The following SMG6 variants were observed in gnomAD, a reference collection of about 807,000 sequenced individuals.
The protein encoded by SMG6 is telomerase-binding protein EST1A.
SMG6 carries 66 observed loss-of-function variants against 142.2 expected under a neutral mutation model. The observed-to-expected ratio is 0.46, with a 90% confidence interval of 0.38 to 0.57. SMG6 has a LOEUF of 0.57. SMG6 is among the 20% of genes least tolerant of loss of function. The probability of loss-of-function intolerance (pLI) is 0.00; values close to 1 mark genes in which losing one functional copy is unlikely to be tolerated. For synonymous variants in SMG6, 779 were observed against 702.4 expected, an observed-to-expected ratio of 1.11 and a Z score of -1.72; for missense variants, 1,793 against 1,832.0, an observed-to-expected ratio of 0.98 and a Z score of 0.39.
intron 13 of SMG6, among the ~76,000 whole-genome samples, chr17:2,104,984 T>A (rs9900967): frequency 0.68 from 102,751 of 151,760 alleles, 36,027 homozygotes; most frequent in African/African-American, 0.86. Flanking sequence ...TGGTGTGATC[T>A]TGGCTCACTG....
rs1054244987 is a variant in SMG6, at chr17:2,218,276, G to A, written c.2869+18216C>T. ...AATAAGATAACCAAATAGGCCAGGC[G>A]CGGTGGCTCACACCTGTAATCCCAG... is the stretch of plus-strand genomic sequence containing the variant. On this transcript the variant is annotated intron_variant, in intron 10 of 18. Coordinates refer to ENST00000263073, the MANE Select transcript of SMG6 (RefSeq NM_017575.5). 9.0e-4 allele frequency among the ~76,000 whole-genome samples: 137 copies of A among 151,980 alleles called. 1 individual carries two copies. Among genetic ancestry groups the A allele is most frequent in the African/African-American group, 3.2e-3 (132 of 41,384 alleles).
At position 2,255,884 on chromosome 17, in the gene SMG6, C is replaced by T. The variant is rs187062260; in HGVS notation, c.2662-11165G>A. The T allele has an allele frequency of 2.8e-4, 65 of 233,746 alleles. 1 individual carries two copies. In the East Asian group the frequency reaches 8.6e-3, roughly 31 times the overall value. The allele number at this position is 233,746 out of a possible 1,614,324, so 14.5% of individuals were successfully genotyped here. A position where few individuals can be genotyped will look rare whatever the true frequency, so the allele number is the denominator to read the frequency against. Reference sequence around the variant, plus strand: ...GGATGCTGTTGATCTGTGACCTTACCCCCAACCATGTGCTCTCTGAAACAT... The same window carrying T: ...GGATGCTGTTGATCTGTGACCTTACTCCCAACCATGTGCTCTCTGAAACAT... On this transcript the variant is annotated intron_variant, in intron 8 of 18. Transcript: ENST00000263073.
At chr17:2,185,716 T>G (rs1265994565) in intron 12 of SMG6, among the ~76,000 whole-genome samples, 9 of 140,858 alleles carry the variant, frequency 6.4e-5, no homozygotes, top group Middle Eastern at 3.8e-3. Context: ...GGCAGAGGCA[T>G]GGTGAGAAGA....
chr17:2,277,161 ATTTATTTTTTATT>A (rs1307181121), intron 8 of SMG6, among the ~76,000 whole-genome samples: 2 of 65,136 alleles, frequency 3.1e-5, no homozygotes, highest in African/African-American at 5.9e-5. Context: ...TTATTTATTT[ATTTATTTTTTATT>A]TTTTTTTTTT....
chr17:2,287,693 T>C (rs1176698453), intron 6 of SMG6, among the ~76,000 whole-genome samples: 3 of 152,174 alleles, frequency 2.0e-5, no homozygotes, highest in African/African-American at 4.8e-5. Context: ...GTGGTATATA[T>C]ACACAATGAA....
Position 2,299,390 on chromosome 17 carries a change from A to G in SMG6, c.1363T>C (p.Leu455=), listed in dbSNP as rs2075218716. 3.1e-6 allele frequency: 5 copies of G among 1,613,958 alleles called. No individual in the cohort carries two copies. The highest frequency in any genetic ancestry group is 3.4e-6 in the Non-Finnish European group (4 of 1,180,028). ...TGATCAGGATTGTTTGGGTCCCACA[A>G]TCGGCGTGTGGTGCCTCCACGGCCC... The part of the protein sequence containing the change: ...SWGRGGTTRR[L]WDPNNPDQKP... The change falls in exon 2 of 19, where the codon TTG becomes CTG. Residue 455 remains leucine (L), a synonymous_variant. Transcript: ENST00000263073. The surrounding 1 kb of genome is among the most constrained non-coding windows in gnomAD (Gnocchi z 4.3).
intron 11 of SMG6, among the ~76,000 whole-genome samples, chr17:2,187,484 G>A (rs554758692): frequency 2.0e-5 from 3 of 152,236 alleles, no homozygotes; most frequent in Non-Finnish European, 2.9e-5. Context: ...GTTGTTAAGA[G>A]AATATCCTTA....
At chr17:2,303,371 A>G in intron 1 of SMG6, 1 of 1,225,494 alleles carries the variant, frequency 8.2e-7, no homozygotes, top group Non-Finnish European at 1.0e-6. Flanking sequence ...CAAAAGGAAC[A>G]GTCACCTTCG....
intron 10 of SMG6, chr17:2,200,112 G>T (rs1418498596): frequency 6.6e-6 from 1 of 151,632 alleles, no homozygotes; most frequent in African/African-American, 2.4e-5. Context: ...ATTAGAGATG[G>T]GTTTCGCTAT....
chr17:2,174,839 G>A (rs2071609763), intron 12 of SMG6, among the ~76,000 whole-genome samples: 1 of 152,196 alleles, frequency 6.6e-6, no homozygotes, highest in Non-Finnish European at 1.5e-5. Flanking sequence ...GCTCCTTTGT[G>A]ATGTAATGGG....
In SMG6 at chr17:2,068,670, A is replaced by T; in HGVS notation, c.3835+108T>A. The T allele has an allele frequency of 8.6e-7, 1 of 1,158,962 alleles. No homozygotes were observed. Among genetic ancestry groups the T allele is most frequent in the Non-Finnish European group, 1.2e-6 (1 of 825,782 alleles). The allele number at this position is 1,158,962 out of a possible 1,614,324, so 71.8% of individuals were successfully genotyped here. ...CCTACTCCCCTGCAAATCCCATCTT[A>T]CACACGCACAGCAGGGCTCTGCCTG... is the stretch of plus-strand genomic sequence containing the variant. On this transcript the variant is annotated intron_variant, in intron 16 of 18. Coordinates refer to ENST00000263073, the MANE Select transcript of SMG6 (RefSeq NM_017575.5). This position sits in a 1 kb window ranked among gnomAD's most constrained non-coding sequence, Gnocchi z 6.7.
chr17:2,126,818 A>G (rs1206501433), intron 13 of SMG6, among the ~76,000 whole-genome samples: 1 of 152,002 alleles, frequency 6.6e-6, no homozygotes, highest in Non-Finnish European at 1.5e-5. Flanking sequence ...TTGGGAGGCT[A>G]TGGTGGGACG....
At chr17:2,159,868 A>T (rs2071120525) in intron 13 of SMG6, among the ~76,000 whole-genome samples, 1 of 152,262 alleles carries the variant, frequency 6.6e-6, no homozygotes, top group Non-Finnish European at 1.5e-5. Flanking sequence ...CCCAATATGG[A>T]TGAATCTCAG....
intron 10 of SMG6, among the ~76,000 whole-genome samples, chr17:2,195,156 C>T (rs1029879627): frequency 6.6e-6 from 1 of 152,212 alleles, no homozygotes; most frequent in Non-Finnish European, 1.5e-5. Context: ...GTGACAGGCT[C>T]CTCTCTGACG....
chr17:2,172,087 C>T (rs778756003), intron 13 of SMG6, among the ~76,000 whole-genome samples: 2 of 152,166 alleles, frequency 1.3e-5, no homozygotes, highest in Admixed American at 6.5e-5. Context: ...GCTTTGTTTT[C>T]TATAAACAGA....
At chr17:2,225,522 G>C (rs1429145117) in intron 10 of SMG6, among the ~76,000 whole-genome samples, 5 of 151,516 alleles carry the variant, frequency 3.3e-5, no homozygotes, top group Non-Finnish European at 7.4e-5. Flanking sequence ...AGGTGCGTTT[G>C]AACAAATATT....
chr17:2,223,961 T>G (rs1210629597), intron 10 of SMG6, among the ~76,000 whole-genome samples: 5 of 152,068 alleles, frequency 3.3e-5, no homozygotes, highest in Non-Finnish European at 5.9e-5. Flanking sequence ...TCTGAGTAAG[T>G]CTGATGGAAC....
intron 18 of SMG6, among the ~76,000 whole-genome samples, chr17:2,064,502 T>C (rs1285723292): frequency 6.6e-6 from 1 of 152,152 alleles, no homozygotes; most frequent in Non-Finnish European, 1.5e-5. Flanking sequence ...CCTCAAACTC[T>C]AGCCAGCCTT....
At chr17:2,236,297 C>T (rs555521445) in intron 10 of SMG6, among the ~76,000 whole-genome samples, 195 bp downstream of exon 10, 1 of 151,846 alleles carries the variant, frequency 6.6e-6, no homozygotes, top group South Asian at 2.1e-4. Context: ...TCCATCCCAC[C>T]CAAGCACTAG....
Sources: allele counts gnomAD v4.1 joint callset (sites outside exome capture counted in the v4.1 genomes callset), GRCh38; gene constraint gnomAD v4.1.1; non-coding constraint Gnocchi (gnomAD v3.1); transcripts MANE v1.5; gene names NCBI Gene and HGNC (gene_info 2026-07-23, HGNC 2026-07-21).